CREB5: variants seen among roughly 807,000 people sequenced by gnomAD.
CREB5 encodes the protein cyclic AMP-responsive element-binding protein 5.
A neutral mutation model predicts 57.1 loss-of-function variants in CREB5; 19 were observed. The ratio of observed to expected loss-of-function variants is 0.33; its 90% CI spans 0.23 to 0.49. The LOEUF (loss-of-function observed/expected upper bound fraction) is 0.49, where lower values mean the gene tolerates loss of function less well. CREB5 is among the 20% of genes least tolerant of loss of function. The pLI is 0.99. For synonymous variants in CREB5, 238 were observed against 238.3 expected (o/e 1.00, Z 0.01); for missense variants, 579 against 671.6 (o/e 0.86, Z 1.52).
chr7:28,416,296 G>C lies in CREB5; in HGVS notation c.3+3379G>C, dbSNP rs115778288. Among the ~76,000 whole-genome samples the C allele has an allele frequency of 1.6e-3, 237 of 152,266 alleles. 1 individual carries two copies. Among genetic ancestry groups the C allele is most frequent in the African/African-American group, 5.3e-3 (222 of 41,540 alleles). Reference sequence around the variant, plus strand: ...AACACATTTCAGCCAGTTTTATGCAGTCCTCTCTCTGTTGGCTTCCTAAGG... The same window carrying C: ...AACACATTTCAGCCAGTTTTATGCACTCCTCTCTCTGTTGGCTTCCTAAGG... On this transcript the variant is annotated intron_variant, in intron 1 of 10. Transcript: ENST00000357727.
intron 5 of CREB5, among the ~76,000 whole-genome samples, chr7:28,624,213 T>C (rs160342): frequency 0.36 from 55,157 of 151,952 alleles, 10,184 homozygotes; most frequent in African/African-American, 0.43. Context: ...CACGTCTAAT[T>C]TGCGTGAATT....
chr7:28,504,151 A>T (rs1792382261), intron 3 of CREB5, among the ~76,000 whole-genome samples: 1 of 152,170 alleles, frequency 6.6e-6, no homozygotes, highest in Admixed American at 6.5e-5. Flanking sequence ...TTGATCTCAC[A>T]CGGTACCAGT....
chr7:28,493,094 A>G (rs618776), intron 2 of CREB5, among the ~76,000 whole-genome samples: 110,932 of 152,176 alleles, frequency 0.73, 41,008 homozygotes, highest in African/African-American at 0.81. Context: ...AATATTTTGT[A>G]TAATTCAGCC....
At chr7:28,493,309 C>G (rs757966302) in intron 2 of CREB5, among the ~76,000 whole-genome samples, 1 of 152,134 alleles carries the variant, frequency 6.6e-6, no homozygotes, top group Non-Finnish European at 1.5e-5. Context: ...ATTGATAAAG[C>G]GGATATTCTG....
chr7:28,348,964 G>A (rs1018487209), intron 1 of CREB5, among the ~76,000 whole-genome samples: 1 of 152,198 alleles, frequency 6.6e-6, no homozygotes, highest in African/African-American at 2.4e-5. Flanking sequence ...TTAAATGATA[G>A]TATTAGTGCT....
At chr7:28,336,850 A>G (rs866359200) in intron 1 of CREB5, among the ~76,000 whole-genome samples, 1 of 151,672 alleles carries the variant, frequency 6.6e-6, no homozygotes, top group Non-Finnish European at 1.5e-5. Context: ...GTTCCCTCTT[A>G]GTACTGCTTT....
intron 5 of CREB5, among the ~76,000 whole-genome samples, chr7:28,700,906 C>T (rs1349994731): frequency 1.3e-5 from 2 of 149,966 alleles, no homozygotes; most frequent in African/African-American, 2.5e-5. Flanking sequence ...AGTCATCTAA[C>T]TTCTGAGTTT....
chr7:28,741,776 C>G (rs1249767636), intron 7 of CREB5, among the ~76,000 whole-genome samples: 1 of 152,040 alleles, frequency 6.6e-6, no homozygotes, highest in East Asian at 1.9e-4. Flanking sequence ...TTAAACATAG[C>G]CATAATGTAA....
chr7:28,648,690 T>C (rs1799003287), intron 5 of CREB5, among the ~76,000 whole-genome samples: 1 of 152,072 alleles, frequency 6.6e-6, no homozygotes, highest in Non-Finnish European at 1.5e-5. Flanking sequence ...TGCTGTGAGC[T>C]ATGATCATGC....
intron 1 of CREB5, among the ~76,000 whole-genome samples, chr7:28,358,586 C>T (rs1000763798): frequency 1.3e-5 from 2 of 152,214 alleles, no homozygotes; most frequent in Admixed American, 1.3e-4. Context: ...TTTTGTTTTG[C>T]TTTTAAGTCA....
chr7:28,642,967 C>CACATACACACATACACACACACACAT (rs1281926275), intron 5 of CREB5, among the ~76,000 whole-genome samples: 3 of 93,744 alleles, frequency 3.2e-5, no homozygotes, highest in African/African-American at 1.2e-4. Context: ...CACACACACA[C>CACATACACACATACACACACACACAT]ACACACACAC....
intron 1 of CREB5, among the ~76,000 whole-genome samples, chr7:28,360,370 G>A (rs1353514972): frequency 1.3e-5 from 2 of 152,114 alleles, no homozygotes; most frequent in Non-Finnish European, 2.9e-5. Context: ...TATCCACAAT[G>A]GAATGTTATT....
chr7:28,619,991 T>A (rs1273540637), intron 5 of CREB5, among the ~76,000 whole-genome samples: 1 of 152,234 alleles, frequency 6.6e-6, no homozygotes, highest in East Asian at 1.9e-4. Flanking sequence ...CATGCCATAC[T>A]TTTAAAAATG....
At chr7:28,804,096 G>C (rs758663698) in intron 7 of CREB5, 103 bp from the exon 8 acceptor site, 1 of 1,077,430 alleles carries the variant, frequency 9.3e-7, no homozygotes, top group African/African-American at 1.6e-5. Context: ...CAATAGCATC[G>C]TAAAATATAG....
intron 7 of CREB5, among the ~76,000 whole-genome samples, chr7:28,792,342 GA>G (rs199972159): frequency 0.1 from 14,496 of 141,314 alleles, 811 homozygotes; most frequent in Admixed American, 0.14. Context: ...ATATCACATG[GA>G]AAAAAAAAAA....
At chr7:28,301,917 G>T (rs548678916) in intron 1 of CREB5, among the ~76,000 whole-genome samples, 2 of 152,304 alleles carry the variant, frequency 1.3e-5, no homozygotes, top group African/African-American at 4.8e-5. Flanking sequence ...AAATTCTCTG[G>T]AGGTTTGCCA....
intron 1 of CREB5, among the ~76,000 whole-genome samples, chr7:28,454,010 G>A (rs1789972679): frequency 6.9e-6 from 1 of 144,884 alleles, no homozygotes; most frequent in African/African-American, 2.5e-5. Flanking sequence ...CTGGAGTGCA[G>A]TGGCATGATC....
chr7:28,301,211 T>A (rs1162218227), intron 1 of CREB5, among the ~76,000 whole-genome samples: 1 of 152,224 alleles, frequency 6.6e-6, no homozygotes, highest in Non-Finnish European at 1.5e-5. Flanking sequence ...TTATTTCAGC[T>A]GTCCTTGGAT....
chr7:28,695,761 C>T (rs1419713760), intron 5 of CREB5, among the ~76,000 whole-genome samples: 3 of 152,126 alleles, frequency 2.0e-5, no homozygotes, highest in Non-Finnish European at 4.4e-5. Flanking sequence ...CCAGAACCAG[C>T]ACCCACCCAC....
Sources: allele counts gnomAD v4.1 joint callset (sites outside exome capture counted in the v4.1 genomes callset), GRCh38; gene constraint gnomAD v4.1.1; transcripts MANE v1.5; gene names NCBI Gene and HGNC (gene_info 2026-07-23, HGNC 2026-07-21).